CAMSAP2: variants seen among roughly 807,000 people sequenced by gnomAD.
CAMSAP2 encodes the protein calmodulin regulated spectrin associated protein family member 2.
A neutral mutation model predicts 146.1 loss-of-function variants in CAMSAP2; 26 were observed. The ratio of observed to expected loss-of-function variants is 0.18; its 90% CI spans 0.13 to 0.25. The LOEUF (loss-of-function observed/expected upper bound fraction) is 0.25. Among genes scored for constraint, CAMSAP2 ranks in the 10% least tolerant of loss-of-function variants. The pLI, the probability that CAMSAP2 is intolerant of heterozygous loss-of-function variation, is 1.00. For missense variants in CAMSAP2, 1,381 were observed against 1,759.3 expected (o/e 0.78, Z 3.85); for synonymous variants, 499 against 596.6 (o/e 0.84, Z 2.38).
At chr1:200,787,067 G>A (rs997495054) in intron 2 of CAMSAP2, among the ~76,000 whole-genome samples, 15 of 151,954 alleles carry the variant, frequency 9.9e-5, no homozygotes, top group African/African-American at 2.7e-4. Flanking sequence ...TTGACAATGC[G>A]CGTGGTCACC....
At chr1:200,836,041 TCTTTA>T (rs1406681733) in intron 6 of CAMSAP2, among the ~76,000 whole-genome samples, 1 of 152,164 alleles carries the variant, frequency 6.6e-6, no homozygotes, top group African/African-American at 2.4e-5. Context: ...CTTTCTATGT[TCTTTA>T]CTTATTACTA....
intron 2 of CAMSAP2, among the ~76,000 whole-genome samples, chr1:200,785,398 T>G (rs1395964705): frequency 6.6e-6 from 1 of 150,968 alleles, no homozygotes; most frequent in Admixed American, 6.6e-5. Context: ...CTTTTGTTTT[T>G]TTTTTTTTTG....
intron 1 of CAMSAP2, among the ~76,000 whole-genome samples, chr1:200,743,598 AAG>A (rs1333734735): frequency 6.6e-6 from 1 of 152,064 alleles, no homozygotes; most frequent in African/African-American, 2.4e-5. Flanking sequence ...AAAAAAAAAA[AAG>A]AAGTTCATGA....
intron 7 of CAMSAP2, 90 bp downstream of exon 7, chr1:200,842,177 A>G: frequency 2.1e-6 from 2 of 947,780 alleles, no homozygotes; most frequent in South Asian, 2.9e-5. Context: ...TTTAGAAATC[A>G]GCCTATTATT....
In CAMSAP2 at chr1:200,759,918, G is replaced by A. The variant is rs528065549; in HGVS notation, c.140-921G>A. The stretch of plus-strand genomic sequence containing the variant: ...TAGGCAAGAAAACTTGTAAAACAAT[G>A]AGAAGTATTTTGTTTCTCTCGTTTG... On this transcript the variant is annotated intron_variant, in intron 1 of 16. Coordinates refer to ENST00000358823, the MANE Select transcript of CAMSAP2 (RefSeq NM_203459.4). Among the ~76,000 whole-genome samples the A allele has an allele frequency of 2.6e-5, 4 of 152,322 alleles. No homozygotes were observed. In the East Asian group the frequency reaches 7.7e-4, roughly 29 times the overall value.
intron 6 of CAMSAP2, among the ~76,000 whole-genome samples, chr1:200,834,937 G>C (rs527260097): frequency 1.3e-5 from 2 of 152,168 alleles, no homozygotes; most frequent in African/African-American, 4.8e-5. Context: ...AACCATAGGG[G>C]CTTTCTCTTT....
chr1:200,850,197 A>G lies in CAMSAP2; in HGVS notation c.3428A>G (p.Asp1143Gly). The G allele has an allele frequency of 6.3e-7, 1 of 1,599,546 alleles. No homozygotes were observed. Among genetic ancestry groups the G allele is most frequent in the Non-Finnish European group, 8.5e-7 (1 of 1,175,174 alleles). The stretch of plus-strand genomic sequence containing the variant: ...GGAGAAAGTGATAAAGAACAATTTG[A>G]TGATGACCAGAAAGTATGCTGTGGA... ...YDGESDKEQF[D>G]DDQKVCCGFF... is the part of the protein sequence containing the mutation. The change falls in exon 11 of 17, where the codon GAT (aspartate) becomes GGT (glycine). Residue 1143 changes from aspartate (D) to glycine (G), a missense_variant. By Grantham distance (94) the Asp-to-Gly change is moderately conservative (BLOSUM62 -1). This residue lies in a region of CAMSAP2 where 560 missense variants were observed against 715.9 expected (regional missense o/e 0.78). Transcript: ENST00000358823.
intron 4 of CAMSAP2, among the ~76,000 whole-genome samples, chr1:200,816,831 C>CGT (rs753279746): frequency 1.6e-4 from 12 of 75,192 alleles, no homozygotes; most frequent in Non-Finnish European, 1.7e-4. Flanking sequence ...CACACACACG[C>CGT]GTGTGTATGT....
At chr1:200,824,978 C>CAAATAAAT (rs532222491) in intron 4 of CAMSAP2, among the ~76,000 whole-genome samples, 1 of 151,472 alleles carries the variant, frequency 6.6e-6, no homozygotes, top group Non-Finnish European at 1.5e-5. Context: ...GACTCTGTCT[C>CAAATAAAT]AAATAAATAA....
At chr1:200,843,370 ATAAT>A (rs1383150617) in intron 7 of CAMSAP2, among the ~76,000 whole-genome samples, 3 of 152,216 alleles carry the variant, frequency 2.0e-5, no homozygotes, top group Non-Finnish European at 4.4e-5. Context: ...GAAATAAGCA[ATAAT>A]TAGAGTATTG....
chr1:200,747,986 C>CAAAAAAA (rs901478330), intron 1 of CAMSAP2, among the ~76,000 whole-genome samples: 2 of 68,782 alleles, frequency 2.9e-5, no homozygotes, highest in African/African-American at 4.8e-5. Context: ...GACTCCGTCT[C>CAAAAAAA]AAAAAAAAAA....
intron 2 of CAMSAP2, among the ~76,000 whole-genome samples, chr1:200,783,932 C>T (rs1412852486): frequency 2.0e-5 from 3 of 151,842 alleles, no homozygotes; most frequent in South Asian, 2.1e-4. Context: ...GATTTTTTTC[C>T]CCTATGTTTT....
At chr1:200,787,613 T>A (rs775116766) in intron 2 of CAMSAP2, among the ~76,000 whole-genome samples, 1 of 152,202 alleles carries the variant, frequency 6.6e-6, no homozygotes, top group Non-Finnish European at 1.5e-5. Flanking sequence ...CAACAAACAA[T>A]GGATTTACAG....
chr1:200,850,146 C>T lies in CAMSAP2; in HGVS notation c.3377C>T (p.Ala1126Val), dbSNP rs1305322819. 1 of 1,610,256 alleles carries T rather than the reference C, an allele frequency of 6.2e-7. No individual in the cohort carries two copies. The highest frequency in any genetic ancestry group is 8.5e-7 in the Non-Finnish European group (1 of 1,179,178). Reference sequence around the variant, plus strand: ...TCAGATTTGAAACCCCCTGAAAAGGCTGATGTACCTGTTGAAAAATATGAT... The same window carrying T: ...TCAGATTTGAAACCCCCTGAAAAGGTTGATGTACCTGTTGAAAAATATGAT... Reference protein sequence around the residue: ...SLSDLKPPEKADVPVEKYDGE... With the variant: ...SLSDLKPPEKVDVPVEKYDGE... The change falls in exon 11 of 17, where the codon GCT becomes GTT. Residue 1126 changes from alanine to valine, a missense_variant. Ala to Val is a moderately conservative substitution (Grantham distance 64, BLOSUM62 0). Transcript: ENST00000358823.
chr1:200,763,650 C>A (rs560088695), intron 2 of CAMSAP2, among the ~76,000 whole-genome samples: 2 of 152,324 alleles, frequency 1.3e-5, no homozygotes, highest in Non-Finnish European at 2.9e-5. Flanking sequence ...TTACTTTCAA[C>A]TTTTATCACA....
chr1:200,839,925 C>T (rs1035415026), intron 6 of CAMSAP2, among the ~76,000 whole-genome samples: 6 of 152,182 alleles, frequency 3.9e-5, no homozygotes, highest in South Asian at 4.1e-4. Flanking sequence ...ATAGCCTTTA[C>T]GGATTATAAG....
intron 4 of CAMSAP2, among the ~76,000 whole-genome samples, chr1:200,816,725 TATATGTGTGTACACACACACGC>T (rs1666513011): frequency 1.8e-5 from 2 of 111,684 alleles, no homozygotes; most frequent in Non-Finnish European, 3.9e-5. Context: ...CACACGCACA[TATATGTGTGTACACACACACGC>T]GTGTATATAT....
chr1:200,795,655 T>C (rs1665866085), intron 2 of CAMSAP2, among the ~76,000 whole-genome samples: 1 of 152,212 alleles, frequency 6.6e-6, no homozygotes, highest in African/African-American at 2.4e-5. Flanking sequence ...CTCTTTCTTA[T>C]ATATATTAAG....
chr1:200,754,996 T>C (rs1664610446), intron 1 of CAMSAP2, among the ~76,000 whole-genome samples: 1 of 152,228 alleles, frequency 6.6e-6, no homozygotes, highest in Non-Finnish European at 1.5e-5. Flanking sequence ...GTTTTCCCAG[T>C]TTTAGCCAAT....
Sources: allele counts gnomAD v4.1 joint callset (sites outside exome capture counted in the v4.1 genomes callset), GRCh38; gene constraint gnomAD v4.1.1; regional missense constraint gnomAD v4.1.1; transcripts MANE v1.5; gene names NCBI Gene and HGNC (gene_info 2026-07-23, HGNC 2026-07-21).